The following CSMD1 variants were observed in gnomAD, a reference collection of about 807,000 sequenced individuals.
CSMD1 encodes the protein CUB and sushi domain-containing protein 1.
In CSMD1, 213 loss-of-function variants were observed where a neutral mutation model predicts 417.5. That is an observed-to-expected ratio of 0.51 (90% CI 0.46 to 0.57). The LOEUF (loss-of-function observed/expected upper bound fraction) is 0.57. Among genes scored for constraint, CSMD1 ranks in the 20% least tolerant of loss-of-function variants. CSMD1 has a pLI of 0.00. For missense variants in CSMD1, 6,923 were observed against 4,529.7 expected (o/e 1.53, Z -15.17); for synonymous variants, 2,862 against 1,736.8 (o/e 1.65, Z -16.11).
chr8:3,309,401 C>G (rs910902582), intron 23 of CSMD1, among the ~76,000 whole-genome samples: 2 of 152,176 alleles, frequency 1.3e-5, no homozygotes, highest in Admixed American at 1.3e-4. Context: ...TTGAGGAAAT[C>G]CACACAACAA....
At chr8:3,610,068 C>A (rs1312012219) in intron 8 of CSMD1, among the ~76,000 whole-genome samples, 1 of 151,854 alleles carries the variant, frequency 6.6e-6, no homozygotes, top group East Asian at 1.9e-4. Flanking sequence ...CAGCACCCAG[C>A]CTTCCCTCCT....
intron 5 of CSMD1, among the ~76,000 whole-genome samples, chr8:3,942,794 G>T (rs1471279707): frequency 1.3e-5 from 2 of 152,092 alleles, no homozygotes; most frequent in African/African-American, 4.8e-5. Context: ...ACTGGGATAA[G>T]AAAAATATTT....
At chr8:3,419,562 T>G (rs1203558915) in intron 12 of CSMD1, among the ~76,000 whole-genome samples, 2 of 152,194 alleles carry the variant, frequency 1.3e-5, no homozygotes, top group African/African-American at 4.8e-5. Flanking sequence ...CTCAGCTAAC[T>G]AGGAAATTCT....
At chr8:4,572,434 G>A (rs2130661014) in intron 2 of CSMD1, among the ~76,000 whole-genome samples, 2 of 152,274 alleles carry the variant, frequency 1.3e-5, no homozygotes, top group Admixed American at 1.3e-4. Context: ...CAAGAATGTT[G>A]AATATTGGCC....
At chr8:4,551,198 C>T (rs1036812634) in intron 2 of CSMD1, among the ~76,000 whole-genome samples, 3 of 152,156 alleles carry the variant, frequency 2.0e-5, no homozygotes, top group African/African-American at 7.2e-5. Flanking sequence ...GAAATGTCCA[C>T]CAGCTCCACC....
chr8:3,557,938 G>C (rs1277694133), intron 10 of CSMD1, among the ~76,000 whole-genome samples: 1 of 152,136 alleles, frequency 6.6e-6, no homozygotes, highest in Non-Finnish European at 1.5e-5. Context: ...TTGTTGGTTT[G>C]CAAAAACATT....
intron 3 of CSMD1, among the ~76,000 whole-genome samples, chr8:4,234,091 A>G (rs1019306644): frequency 6.6e-6 from 1 of 152,192 alleles, no homozygotes. Flanking sequence ...GTACTAACCT[A>G]CACAAGTACA....
At chr8:3,197,667 T>C (rs1188325075) in intron 33 of CSMD1, among the ~76,000 whole-genome samples, 2 of 151,982 alleles carry the variant, frequency 1.3e-5, no homozygotes, top group African/African-American at 4.8e-5. Flanking sequence ...GGTTTCACCA[T>C]GTTAGCCAGG....
intron 15 of CSMD1, among the ~76,000 whole-genome samples, chr8:3,401,285 A>G (rs886374578): frequency 6.6e-6 from 1 of 152,142 alleles, no homozygotes; most frequent in Non-Finnish European, 1.5e-5. Flanking sequence ...TTCCATATAA[A>G]TACATAACCA....
At chr8:3,662,498 A>G (rs11997503) in intron 7 of CSMD1, among the ~76,000 whole-genome samples, 1,848 of 152,310 alleles carry the variant, frequency 0.012, 39 homozygotes, top group African/African-American at 0.042. Flanking sequence ...TGCAATAAAC[A>G]TATGTGTGCA....
chr8:4,921,768 C>T (rs1367315610), intron 1 of CSMD1, among the ~76,000 whole-genome samples: 1 of 152,054 alleles, frequency 6.6e-6, no homozygotes, highest in African/African-American at 2.4e-5. Context: ...TATTCTTCTC[C>T]ACCAGCCATT....
chr8:4,574,161 G>C (rs867549938), intron 2 of CSMD1, among the ~76,000 whole-genome samples: 8 of 127,314 alleles, frequency 6.3e-5, no homozygotes, highest in African/African-American at 1.8e-4. Context: ...TCCAGGAGAC[G>C]CTGGGGTCCA....
intron 1 of CSMD1, among the ~76,000 whole-genome samples, chr8:4,988,993 T>C (rs1373685293): frequency 6.6e-6 from 1 of 152,228 alleles, no homozygotes; most frequent in Non-Finnish European, 1.5e-5. Context: ...AAAATAGACA[T>C]ACTGGTTAAT....
chr8:3,982,192 T>A (rs2449820), intron 5 of CSMD1, among the ~76,000 whole-genome samples: 31,576 of 131,188 alleles, frequency 0.24, 4,082 homozygotes, highest in East Asian at 0.46. Context: ...AATAATAATA[T>A]TAATAAAAAA....
chr8:3,798,729 C>CA (rs1800298924), intron 5 of CSMD1, among the ~76,000 whole-genome samples: 1 of 151,980 alleles, frequency 6.6e-6, no homozygotes, highest in Non-Finnish European at 1.5e-5. Context: ...TATACATATA[C>CA]AAAAATGTCA....
chr8:3,504,733 A>G (rs1585267720), intron 10 of CSMD1, among the ~76,000 whole-genome samples: 2 of 152,280 alleles, frequency 1.3e-5, no homozygotes, highest in African/African-American at 4.8e-5. Context: ...CTATTGCAGT[A>G]GTGGTATTTT....
chr8:3,877,142 C>A (rs1805877551), intron 5 of CSMD1, among the ~76,000 whole-genome samples: 1 of 152,170 alleles, frequency 6.6e-6, no homozygotes, highest in African/African-American at 2.4e-5. Context: ...TTTGCACTTT[C>A]CCCATCCCTT....
At chr8:4,769,743 G>A (rs531526735) in intron 1 of CSMD1, among the ~76,000 whole-genome samples, 1 of 152,156 alleles carries the variant, frequency 6.6e-6, no homozygotes, top group Admixed American at 6.5e-5. Context: ...GGTAAGTCAA[G>A]GCACAGCCTG....
At chr8:4,397,818 T>G (rs1413768770) in intron 3 of CSMD1, among the ~76,000 whole-genome samples, 1 of 152,144 alleles carries the variant, frequency 6.6e-6, no homozygotes, top group Non-Finnish European at 1.5e-5. Flanking sequence ...TATACAATAT[T>G]TATAATCGGA....
Sources: gnomAD v4.1 joint callset for allele counts (sites outside exome capture counted in the v4.1 genomes callset) on GRCh38, gnomAD v4.1.1 for gene constraint, MANE v1.5 for transcripts, NCBI Gene and HGNC (gene_info 2026-07-23, HGNC 2026-07-21) for gene names.